The following INPP4B variants were observed in gnomAD, a reference collection of about 807,000 sequenced individuals.
INPP4B encodes inositol polyphosphate-4-phosphatase type II B.
In INPP4B, 55 loss-of-function variants were observed where a neutral mutation model predicts 122.5. That is an observed-to-expected ratio of 0.45 (90% confidence interval 0.36 to 0.56). INPP4B has a LOEUF of 0.56. INPP4B is among the 20% of genes least tolerant of loss of function. INPP4B has a pLI of 0.00. For missense variants in INPP4B, 1,000 were observed against 1,097.7 expected (o/e 0.91, Z 1.26); for synonymous variants, 403 against 388.7 (o/e 1.04, Z -0.43).
intron 2 of INPP4B, among the ~76,000 whole-genome samples, chr4:142,628,801 C>T (rs1747211438): frequency 6.6e-6 from 1 of 151,854 alleles, no homozygotes; most frequent in Admixed American, 6.6e-5. Context: ...GGAGTTCCGC[C>T]CAAACAAAAG....
At chr4:142,417,643 A>G (rs1024593959) in intron 5 of INPP4B, among the ~76,000 whole-genome samples, 3 of 152,172 alleles carry the variant, frequency 2.0e-5, no homozygotes, top group African/African-American at 7.2e-5. Context: ...GGATTAACCC[A>G]AGATAATAAT....
At chr4:142,679,278 G>T (rs1419636484) in intron 2 of INPP4B, among the ~76,000 whole-genome samples, 2 of 151,932 alleles carry the variant, frequency 1.3e-5, no homozygotes, top group African/African-American at 2.4e-5. Context: ...GACCTCAAAG[G>T]CTTGACAAGA....
At chr4:142,444,892 C>T (rs1348387156) in intron 3 of INPP4B, among the ~76,000 whole-genome samples, 1 of 152,112 alleles carries the variant, frequency 6.6e-6, no homozygotes, top group Admixed American at 6.5e-5. Context: ...TGGAAACCAT[C>T]ATTCTCAGCA....
intron 16 of INPP4B, among the ~76,000 whole-genome samples, chr4:142,166,783 CA>C (rs1260127911): frequency 2.0e-5 from 3 of 151,214 alleles, no homozygotes; most frequent in African/African-American, 7.3e-5. Context: ...AAACAGATAA[CA>C]AAAAAGCTCA....
chr4:142,638,922 T>G (rs980634181), intron 2 of INPP4B, among the ~76,000 whole-genome samples: 4 of 152,184 alleles, frequency 2.6e-5, no homozygotes, highest in African/African-American at 9.6e-5. Context: ...TTTTTGTGGA[T>G]AGTCTTAATC....
At chr4:142,338,460 G>A (rs563769243) in intron 7 of INPP4B, among the ~76,000 whole-genome samples, 2 of 152,144 alleles carry the variant, frequency 1.3e-5, no homozygotes, top group East Asian at 1.9e-4. Context: ...GGATGGTCTC[G>A]ATCTCCTGAC....
intron 2 of INPP4B, among the ~76,000 whole-genome samples, chr4:142,537,039 C>A (rs1828283572): frequency 2.6e-5 from 4 of 152,044 alleles, no homozygotes. Context: ...TTGTGATCCA[C>A]CCGCCTCAGC....
At chr4:142,100,562 T>G (rs5009342) in intron 23 of INPP4B, among the ~76,000 whole-genome samples, 1 of 5,612 alleles carries the variant, frequency 1.8e-4, no homozygotes, top group East Asian at 0.022. Context: ...TCTGGGGCCA[T>G]CTGAATACTG....
At chr4:142,399,547 G>A (rs1347897582) in intron 7 of INPP4B, among the ~76,000 whole-genome samples, 1 of 152,098 alleles carries the variant, frequency 6.6e-6, no homozygotes, top group Non-Finnish European at 1.5e-5. Context: ...GAATCCCACA[G>A]CTTGACTCTT....
At chr4:142,032,277 G>C (rs921347264) in intron 25 of INPP4B, among the ~76,000 whole-genome samples, 5 of 152,146 alleles carry the variant, frequency 3.3e-5, no homozygotes, top group Non-Finnish European at 7.4e-5. Flanking sequence ...GCTACCAGGG[G>C]CAGCAGAGAG....
Position 142,240,095 on chromosome 4 carries a change from G to T in INPP4B, c.689-2084C>A, listed in dbSNP as rs1369072444. On this transcript the variant is annotated intron_variant, in intron 11 of 25. Transcript: ENST00000262992. Reference sequence around the variant, plus strand: ...TCTTTTTTTTTTTTTTTGAGACAGGGTCTCATTCTGTCACCAAGGCCGGAG... The same window carrying T: ...TCTTTTTTTTTTTTTTTGAGACAGGTTCTCATTCTGTCACCAAGGCCGGAG... 7.4e-5 allele frequency among the ~76,000 whole-genome samples: 11 copies of T among 147,766 alleles called. No individual in the cohort carries two copies. The East Asian group carries it at 1.8e-3, about 24-fold the overall frequency.
intron 1 of INPP4B, among the ~76,000 whole-genome samples, chr4:142,830,489 G>A (rs1456179902): frequency 6.6e-6 from 1 of 152,126 alleles, no homozygotes; most frequent in Non-Finnish European, 1.5e-5. Flanking sequence ...AGAGAAAAGA[G>A]GCTAGCTAGA....
intron 7 of INPP4B, among the ~76,000 whole-genome samples, chr4:142,358,480 A>G (rs576489440): frequency 1.6e-4 from 24 of 151,918 alleles, no homozygotes; most frequent in Non-Finnish European, 2.5e-4. Context: ...CTAACATAGC[A>G]ATGTTCCAGG....
At chr4:142,843,182 A>G (rs1347013986) in intron 1 of INPP4B, among the ~76,000 whole-genome samples, 2 of 150,416 alleles carry the variant, frequency 1.3e-5, no homozygotes, top group Non-Finnish European at 3.0e-5. Flanking sequence ...AAAGTTTTAG[A>G]ACACAAAGAC....
intron 2 of INPP4B, among the ~76,000 whole-genome samples, chr4:142,573,195 G>T (rs1042807233): frequency 2.6e-5 from 4 of 151,970 alleles, no homozygotes; most frequent in Admixed American, 6.6e-5. Flanking sequence ...ACCAGATCTC[G>T]CTATCACAAG....
intron 12 of INPP4B, among the ~76,000 whole-genome samples, chr4:142,227,872 A>G (rs1231278968): frequency 2.7e-5 from 4 of 150,358 alleles, no homozygotes; most frequent in African/African-American, 4.8e-5. Flanking sequence ...AAAAAAAAAA[A>G]AAAAAAAAGA....
intron 16 of INPP4B, among the ~76,000 whole-genome samples, chr4:142,168,322 G>T (rs2152931682): frequency 6.6e-6 from 1 of 151,194 alleles, no homozygotes; most frequent in Non-Finnish European, 1.5e-5. Context: ...TTTTCTTCTG[G>T]TCACGGATCA....
chr4:142,140,151 A>G (rs898261191), intron 18 of INPP4B, among the ~76,000 whole-genome samples: 1 of 152,252 alleles, frequency 6.6e-6, no homozygotes, highest in Non-Finnish European at 1.5e-5. Flanking sequence ...AAGCAATGAT[A>G]TGTGGACTAA....
chr4:142,355,666 C>G (rs1298489264), intron 7 of INPP4B, among the ~76,000 whole-genome samples: 3 of 151,978 alleles, frequency 2.0e-5, no homozygotes, highest in Non-Finnish European at 2.9e-5. Context: ...AAAGCAATTA[C>G]TTTTGCACAG....
Sources: gnomAD v4.1 joint callset for allele counts (sites outside exome capture counted in the v4.1 genomes callset) on GRCh38, gnomAD v4.1.1 for gene constraint, MANE v1.5 for transcripts, NCBI Gene and HGNC (gene_info 2026-07-23, HGNC 2026-07-21) for gene names.